ARHGAP6: variants seen among roughly 807,000 people sequenced by gnomAD.
ARHGAP6 encodes Rho GTPase activating protein 6.
In ARHGAP6, 16 loss-of-function variants were observed where a neutral mutation model predicts 55.7. The observed-to-expected ratio is 0.29, with a 90% CI of 0.19 to 0.44. The LOEUF is 0.44. ARHGAP6 is among the 20% of genes least tolerant of loss of function. ARHGAP6 has a pLI of 1.00. For synonymous variants in ARHGAP6, 382 were observed against 360.9 expected, an observed-to-expected ratio of 1.06 and a Z score of -0.66; for missense variants, 698 against 808.9, an observed-to-expected ratio of 0.86 and a Z score of 1.66.
At chrX:11,259,318 T>C (rs1183643426) in intron 1 of ARHGAP6, among the ~76,000 whole-genome samples, 1 of 112,151 alleles carries the variant, frequency 8.9e-6, no homozygotes, top group Non-Finnish European at 1.9e-5. Flanking sequence ...AATGACAGGA[T>C]CTCATTCTTT....
intron 1 of ARHGAP6, among the ~76,000 whole-genome samples, chrX:11,349,751 T>C (rs1016305609): frequency 1.3e-4 from 14 of 111,759 alleles, no homozygotes; most frequent in African/African-American, 4.6e-4. Context: ...CCAGGGTGAT[T>C]GCTTAGATAC....
intron 1 of ARHGAP6, among the ~76,000 whole-genome samples, chrX:11,572,457 C>T (rs779780535): frequency 1.7e-4 from 19 of 110,302 alleles, no homozygotes; most frequent in African/African-American, 5.6e-4. Context: ...TTTGTTCTTG[C>T]GATAGTTTAA....
chrX:11,410,006 C>G (rs1184776948), intron 1 of ARHGAP6, among the ~76,000 whole-genome samples: 3 of 111,719 alleles, frequency 2.7e-5, no homozygotes, highest in Non-Finnish European at 3.8e-5. Flanking sequence ...AAACTGGAAC[C>G]CTCAAACACC....
At chrX:11,572,281 G>C (rs1024044966) in intron 1 of ARHGAP6, among the ~76,000 whole-genome samples, 4 of 109,652 alleles carry the variant, frequency 3.6e-5, no homozygotes, top group African/African-American at 1.3e-4. Context: ...CTGGTGTGCC[G>C]TACCCATTAA....
chrX:11,460,948 T>C (rs772831589), intron 1 of ARHGAP6, among the ~76,000 whole-genome samples: 1 of 112,041 alleles, frequency 8.9e-6, no homozygotes, highest in South Asian at 3.8e-4. Flanking sequence ...CTCACTGGCT[T>C]AATGCAATGG....
At chrX:11,527,998 G>C (rs916488868) in intron 1 of ARHGAP6, among the ~76,000 whole-genome samples, 1 of 112,548 alleles carries the variant, frequency 8.9e-6, no homozygotes, top group African/African-American at 3.2e-5. Flanking sequence ...AGTTACATTA[G>C]CTGAATATGC....
At chrX:11,359,138 T>C (rs2048976054) in intron 1 of ARHGAP6, among the ~76,000 whole-genome samples, 1 of 111,989 alleles carries the variant, frequency 8.9e-6, no homozygotes, top group African/African-American at 3.2e-5. Context: ...TACTAGGTAT[T>C]ACAAATAATT....
intron 1 of ARHGAP6, among the ~76,000 whole-genome samples, chrX:11,534,444 G>A (rs375460076): frequency 1.8e-5 from 2 of 111,081 alleles, no homozygotes; most frequent in East Asian, 2.8e-4. Context: ...ACTTGATGGC[G>A]GAGGCTTTCC....
intron 1 of ARHGAP6, among the ~76,000 whole-genome samples, chrX:11,597,819 A>G (rs1016792566): frequency 2.7e-5 from 3 of 112,021 alleles, no homozygotes; most frequent in African/African-American, 9.7e-5. Context: ...TTGTGAAAAA[A>G]TTGAGGAGAG....
chrX:11,348,617 A>T (rs2048817596), intron 1 of ARHGAP6, among the ~76,000 whole-genome samples: 1 of 111,859 alleles, frequency 8.9e-6, no homozygotes, highest in Admixed American at 9.5e-5. Context: ...ATTTGATCTG[A>T]GGTCGTCATT....
intron 10 of ARHGAP6, among the ~76,000 whole-genome samples, chrX:11,149,473 G>A (rs912635810): frequency 3.2e-4 from 35 of 110,385 alleles, no homozygotes; most frequent in Admixed American, 2.9e-3. Context: ...TGGGGGAGGG[G>A]GGCAGGGGCA....
At chrX:11,373,094 AACAC>A (rs71907621) in intron 1 of ARHGAP6, among the ~76,000 whole-genome samples, 228 of 98,690 alleles carry the variant, frequency 2.3e-3, no homozygotes, top group East Asian at 4.4e-3. Flanking sequence ...CACACACACA[AACAC>A]ACACACACAC....
intron 1 of ARHGAP6, among the ~76,000 whole-genome samples, chrX:11,609,755 C>A (rs2052080127): frequency 8.9e-6 from 1 of 111,927 alleles, no homozygotes; most frequent in Non-Finnish European, 1.9e-5. Context: ...TTGTGAGGAT[C>A]AGAGATAAGA....
intron 1 of ARHGAP6, among the ~76,000 whole-genome samples, chrX:11,276,258 T>A (rs1223895021): frequency 2.7e-5 from 3 of 111,879 alleles, no homozygotes; most frequent in African/African-American, 9.8e-5. Context: ...GACTCTTATT[T>A]AAACATTGGA....
At chrX:11,208,613 CTGA>C (rs2046743255) in intron 2 of ARHGAP6, among the ~76,000 whole-genome samples, 1 of 112,057 alleles carries the variant, frequency 8.9e-6, no homozygotes, top group Non-Finnish European at 1.9e-5. Flanking sequence ...AATATCCTGC[CTGA>C]TAATAATGTC....
intron 10 of ARHGAP6, among the ~76,000 whole-genome samples, chrX:11,151,533 C>T (rs1025499358): frequency 9.0e-6 from 1 of 111,422 alleles, no homozygotes; most frequent in Admixed American, 9.5e-5. Context: ...CTCTTCTAAT[C>T]CCCCTCTGGC....
chrX:11,212,773 C>G (rs2046822331), intron 2 of ARHGAP6, among the ~76,000 whole-genome samples: 1 of 111,579 alleles, frequency 9.0e-6, no homozygotes, highest in South Asian at 3.7e-4. Flanking sequence ...AATTCAGCCA[C>G]AAAATTACAT....
At chrX:11,624,772 C>T (rs1399648318) in intron 1 of ARHGAP6, among the ~76,000 whole-genome samples, 1 of 111,132 alleles carries the variant, frequency 9.0e-6, no homozygotes, top group Admixed American at 9.5e-5. Flanking sequence ...AGGATGGTCT[C>T]GATCTCCTGA....
In ARHGAP6 at chrX:11,664,132, C is replaced by A. The variant is rs190869758; in HGVS notation, c.588+109G>T. On this transcript the variant is annotated intron_variant, in intron 1 of 12. Coordinates refer to ENST00000337414, the MANE Select transcript of ARHGAP6 (RefSeq NM_013427.3). ...AGAGGAAAACCCACACCACGGAAACCCCTTAGTGGGTGCCTTGCTCTGTAA... is the reference window on the plus strand; with the variant it reads ...AGAGGAAAACCCACACCACGGAAACACCTTAGTGGGTGCCTTGCTCTGTAA... 58 of 775,194 alleles carry A rather than the reference C, an allele frequency of 7.5e-5. No individual in the cohort carries two copies. In the East Asian group the frequency reaches 2.0e-3, roughly 27 times the overall value. The allele number at this position is 775,194 out of a possible 1,213,427, so 63.9% of individuals were successfully genotyped here. A position where few individuals can be genotyped will look rare whatever the true frequency, so the allele number is the denominator to read the frequency against.
Sources: gnomAD v4.1 joint callset for allele counts (sites outside exome capture counted in the v4.1 genomes callset) on GRCh38, gnomAD v4.1.1 for gene constraint, MANE v1.5 for transcripts, NCBI Gene and HGNC (gene_info 2026-07-23, HGNC 2026-07-21) for gene names.